The following MSRA variants were observed in gnomAD, a reference collection of about 807,000 sequenced individuals.
The protein encoded by MSRA is methionine sulfoxide reductase A, also known as mitochondrial peptide methionine sulfoxide reductase.
Under a neutral mutation model 31.3 loss-of-function variants are expected in MSRA, and 54 were observed. The observed-to-expected ratio is 1.73, with a 90% confidence interval of 1.39 to 2.17. The LOEUF is 2.17. Among genes scored for constraint, MSRA ranks in the 30% most tolerant of loss-of-function variants. The probability of loss-of-function intolerance (pLI) is 0.00; values close to 1 mark genes in which losing one functional copy is unlikely to be tolerated. For missense variants in MSRA, 507 were observed against 300.9 expected (o/e 1.69, Z -5.07); for synonymous variants, 169 against 116.5 (o/e 1.45, Z -2.90).
chr8:10,171,705 A>G (rs1345415869), intron 1 of MSRA, among the ~76,000 whole-genome samples: 2 of 152,220 alleles, frequency 1.3e-5, no homozygotes, highest in East Asian at 1.9e-4. Context: ...CATCAACTCA[A>G]CCATGTGTAA....
At chr8:10,299,365 A>C (rs537115197) in intron 3 of MSRA, among the ~76,000 whole-genome samples, 2 of 152,122 alleles carry the variant, frequency 1.3e-5, no homozygotes, top group African/African-American at 4.8e-5. Flanking sequence ...TTATTTAAAC[A>C]TTTCAAATTA....
intron 1 of MSRA, among the ~76,000 whole-genome samples, chr8:10,109,692 A>G (rs964540316): frequency 6.6e-6 from 1 of 152,192 alleles, no homozygotes; most frequent in African/African-American, 2.4e-5. Context: ...TTTTGAAACT[A>G]TATCACACTG....
At chr8:10,170,273 G>A (rs1805483266) in intron 1 of MSRA, among the ~76,000 whole-genome samples, 1 of 152,150 alleles carries the variant, frequency 6.6e-6, no homozygotes, top group Admixed American at 6.5e-5. Flanking sequence ...ATATCAGGAA[G>A]TGGGGCCTCG....
At chr8:10,114,990 C>G (rs1800574453) in intron 1 of MSRA, among the ~76,000 whole-genome samples, 1 of 152,170 alleles carries the variant, frequency 6.6e-6, no homozygotes, top group African/African-American at 2.4e-5. Flanking sequence ...GATATTAAAA[C>G]ATACTATAAA....
intron 1 of MSRA, among the ~76,000 whole-genome samples, chr8:10,064,713 T>TA (rs1262244988): frequency 1.3e-5 from 2 of 152,142 alleles, no homozygotes; most frequent in African/African-American, 2.4e-5. Flanking sequence ...ACCTTTGATT[T>TA]AAAAAAATTA....
At chr8:10,228,249 C>T (rs1770884902) in intron 2 of MSRA, among the ~76,000 whole-genome samples, 1 of 152,162 alleles carries the variant, frequency 6.6e-6, no homozygotes, top group African/African-American at 2.4e-5. Flanking sequence ...TTTTGTTGCC[C>T]TGGTCAGAGG....
chr8:10,200,699 G>T (rs142541694), intron 1 of MSRA, among the ~76,000 whole-genome samples: 1 of 152,244 alleles, frequency 6.6e-6, no homozygotes, highest in African/African-American at 2.4e-5. Flanking sequence ...AGAACATGCT[G>T]CTATTGGGGG....
At chr8:10,209,586 T>A (rs959841221) in intron 2 of MSRA, among the ~76,000 whole-genome samples, 1 of 152,122 alleles carries the variant, frequency 6.6e-6, no homozygotes, top group Non-Finnish European at 1.5e-5. Flanking sequence ...GTGGAAAGAT[T>A]TGGTTTATAG....
intron 1 of MSRA, among the ~76,000 whole-genome samples, chr8:10,104,960 C>T (rs1003790656): frequency 6.6e-6 from 1 of 152,168 alleles, no homozygotes; most frequent in African/African-American, 2.4e-5. Context: ...TAGTACCAGA[C>T]TTTAAAATTC....
At chr8:10,246,502 G>T (rs1797630434) in intron 3 of MSRA, among the ~76,000 whole-genome samples, 1 of 152,214 alleles carries the variant, frequency 6.6e-6, no homozygotes, top group Non-Finnish European at 1.5e-5. Flanking sequence ...TGAAAATGGG[G>T]TGTAAAATGT....
In MSRA at chr8:10,301,561, G is replaced by T; in HGVS notation, c.359G>T (p.Arg120Leu). The change falls in exon 4 of 6, where the codon CGA (arginine) becomes CTA (leucine). Residue 120 changes from arginine to leucine, a missense_variant. By Grantham distance (102) the Arg-to-Leu change is moderately radical. Transcript: ENST00000317173. ...AAAACTGGCCATGCAGAAGTCGTCC[G>T]AGTGGTGTACCAGCCAGAACACATG... Reference protein sequence around the residue: ...SEKTGHAEVVRVVYQPEHMSF... With the variant: ...SEKTGHAEVVLVVYQPEHMSF... The T allele has an allele frequency of 1.2e-6, 2 of 1,613,952 alleles. No homozygotes were observed. Among genetic ancestry groups the T allele is most frequent in the Non-Finnish European group, 1.7e-6 (2 of 1,179,996 alleles).
chr8:10,285,319 A>C (rs1305601966), intron 3 of MSRA, among the ~76,000 whole-genome samples: 1 of 152,134 alleles, frequency 6.6e-6, no homozygotes, highest in Non-Finnish European at 1.5e-5. Context: ...AAGCTTTCTA[A>C]AGCATTTCCC....
intron 1 of MSRA, among the ~76,000 whole-genome samples, chr8:10,093,938 C>G (rs924881537): frequency 6.6e-6 from 1 of 152,186 alleles, no homozygotes; most frequent in Non-Finnish European, 1.5e-5. Context: ...TATCCCACTG[C>G]TTTCTGGTCT....
intron 5 of MSRA, among the ~76,000 whole-genome samples, chr8:10,362,039 C>T (rs375204635): frequency 7.2e-5 from 11 of 152,202 alleles, no homozygotes; most frequent in East Asian, 3.9e-4. Context: ...AGGAAGCAGA[C>T]GAAGAATCCT....
At chr8:10,321,616 C>T (rs964889683) in intron 5 of MSRA, among the ~76,000 whole-genome samples, 1 of 152,186 alleles carries the variant, frequency 6.6e-6, no homozygotes, top group African/African-American at 2.4e-5. Context: ...TAATGAATGA[C>T]AGCAGTGATG....
chr8:10,267,873 G>A (rs529950444), intron 3 of MSRA, among the ~76,000 whole-genome samples: 4 of 152,258 alleles, frequency 2.6e-5, no homozygotes, highest in East Asian at 3.9e-4. Context: ...TGACTTGCAC[G>A]TGTTCGTTTG....
At chr8:10,303,560 G>A (rs1426604303) in intron 4 of MSRA, among the ~76,000 whole-genome samples, 3 of 152,180 alleles carry the variant, frequency 2.0e-5, no homozygotes, top group South Asian at 4.1e-4. Flanking sequence ...AGGTTGTAGC[G>A]TGATCCAGTC....
chr8:10,101,402 G>A (rs747408640), intron 1 of MSRA, among the ~76,000 whole-genome samples: 4 of 151,694 alleles, frequency 2.6e-5, no homozygotes, highest in African/African-American at 4.8e-5. Context: ...ATATTTTACC[G>A]TCTTAACCAT....
At chr8:10,194,136 C>T (rs79329750) in intron 1 of MSRA, among the ~76,000 whole-genome samples, 3,904 of 152,216 alleles carry the variant, frequency 0.026, 167 homozygotes, top group African/African-American at 0.087. Flanking sequence ...TGCTGCTGTA[C>T]GAGTCTCACT....
Sources: gnomAD v4.1 joint callset for allele counts (sites outside exome capture counted in the v4.1 genomes callset) on GRCh38, gnomAD v4.1.1 for gene constraint, MANE v1.5 for transcripts, NCBI Gene and HGNC (gene_info 2026-07-23, HGNC 2026-07-21) for gene names.